The following PCNT variants were observed in gnomAD, a reference collection of about 807,000 sequenced individuals.
PCNT encodes the protein kendrin.
PCNT carries 319 observed loss-of-function variants against 380.4 expected under a neutral mutation model. The observed-to-expected ratio is 0.84, with a 90% CI of 0.77 to 0.92. The LOEUF is 0.92. Ranked by LOEUF, PCNT falls within the 40% of genes least tolerant of loss-of-function variation. PCNT has a pLI of 0.00. For synonymous variants in PCNT, 1,845 were observed against 1,735.2 expected, an observed-to-expected ratio of 1.06 and a Z score of -1.57; for missense variants, 4,400 against 4,255.3, an observed-to-expected ratio of 1.03 and a Z score of -0.95.
At chr21:46,335,382 TTTGAAGTG>T (rs1247896348) in intron 3 of PCNT, among the ~76,000 whole-genome samples, 1 of 152,208 alleles carries the variant, frequency 6.6e-6, no homozygotes, top group African/African-American at 2.4e-5. Flanking sequence ...ATTGACTACT[TTTGAAGTG>T]TTATGTTAAA....
chr21:46,399,778 C>T lies in PCNT; in HGVS notation c.4773C>T (p.Ile1591=), dbSNP rs375111791. ...AAGAAGTGGAAAAACAGAAAAACAT[C>T]GTGAAAGGGCTGGAACAGGTAAAGC... The part of the protein sequence containing the change: ...LQEEVEKQKN[I]VKGLEQDKEV... The change falls in exon 25 of 47, where the codon ATC becomes ATT. Residue 1591 remains isoleucine (I), a synonymous_variant. Coordinates refer to ENST00000359568, the MANE Select transcript of PCNT (RefSeq NM_006031.6). The T allele has an allele frequency of 1.3e-5, 21 of 1,613,780 alleles. No individual in the cohort carries two copies. The highest frequency in any genetic ancestry group is 2.7e-5 in the African/African-American group (2 of 74,888).
chr21:46,349,329 G>A (rs895021050), intron 7 of PCNT, 143 bp downstream of exon 7: 15 of 781,168 alleles, frequency 1.9e-5, no homozygotes, highest in East Asian at 1.0e-4. Context: ...CGTGTGACAC[G>A]CTGGTGGCCG....
At position 46,324,223 on chromosome 21, in the gene PCNT, A is replaced by T. The variant is rs376774947; in HGVS notation, c.-6A>T. 63 of 1,610,276 alleles carry T rather than the reference A, an allele frequency of 3.9e-5. No individual in the cohort carries two copies. The highest frequency in any genetic ancestry group is 5.0e-5 in the Admixed American group (3 of 59,590). On this transcript the variant is annotated 5_prime_UTR_variant, in exon 1 of 47. Coordinates refer to ENST00000359568, the MANE Select transcript of PCNT (RefSeq NM_006031.6). The stretch of plus-strand genomic sequence containing the variant: ...CGCCGGGCGGCCCGCGCGGAGTCTG[A>T]GGGAGATGGAAGTTGAGCAAGAGCA...
chr21:46,371,370 T>G (rs2085122248), intron 15 of PCNT, among the ~76,000 whole-genome samples: 1 of 151,926 alleles, frequency 6.6e-6, no homozygotes, highest in Non-Finnish European at 1.5e-5. Flanking sequence ...CCACCACGCC[T>G]CGCTAATTTT....
chr21:46,384,836 GTGT>G (rs1338891523), intron 16 of PCNT, among the ~76,000 whole-genome samples: 12 of 152,208 alleles, frequency 7.9e-5, no homozygotes, highest in Non-Finnish European at 1.3e-4. Context: ...CGCATTCACG[GTGT>G]TGTGCGTTCA....
intron 12 of PCNT, among the ~76,000 whole-genome samples, chr21:46,356,635 G>A (rs2084488980): frequency 6.6e-6 from 1 of 152,210 alleles, no homozygotes; most frequent in African/African-American, 2.4e-5. Flanking sequence ...CCCACATCTG[G>A]TCACAGGCAT....
intron 21 of PCNT, among the ~76,000 whole-genome samples, chr21:46,395,126 C>T (rs1432732472): frequency 1.3e-5 from 2 of 152,196 alleles, no homozygotes; most frequent in African/African-American, 2.4e-5. Flanking sequence ...ACAGCGGACT[C>T]GCCGTTAACT....
At chr21:46,384,634 C>T (rs2085756755) in intron 16 of PCNT, among the ~76,000 whole-genome samples, 1 of 142,324 alleles carries the variant, frequency 7.0e-6, no homozygotes, top group Admixed American at 7.1e-5. Context: ...TCGTGGTGTG[C>T]ATTCAGGGGC....
intron 16 of PCNT, among the ~76,000 whole-genome samples, chr21:46,383,587 A>C (rs1169577117): frequency 1.4e-5 from 2 of 140,468 alleles, no homozygotes; most frequent in Non-Finnish European, 3.1e-5. Flanking sequence ...AGTGCTGTGC[A>C]TTCAGCAGCG....
At position 46,425,809 on chromosome 21, in the gene PCNT, C is replaced by G; in HGVS notation, c.7180-22C>G. 6.2e-7 allele frequency: 1 copy of G among 1,612,648 alleles called. No individual in the cohort carries two copies. The highest frequency in any genetic ancestry group is 8.5e-7 in the Non-Finnish European group (1 of 1,179,866). On this transcript the variant is annotated intron_variant, in intron 32 of 46. Transcript: ENST00000359568. The surrounding 1 kb of genome is among the most constrained non-coding windows in gnomAD (Gnocchi z 4.2). ...GTGTGGGGTGGCAGGCAACTCCCTT[C>G]TGACGCGCTTTCCCGCCACAGGCTT...
At position 46,425,844 on chromosome 21, in the gene PCNT, T is replaced by G. The variant is rs1387812455; in HGVS notation, c.7193T>G (p.Met2398Arg). The G allele has an allele frequency of 6.2e-7, 1 of 1,613,516 alleles. No individual in the cohort carries two copies. The highest frequency in any genetic ancestry group is 1.3e-5 in the African/African-American group (1 of 74,858). ...TTCCCGCCACAGGCTTTACTGCAGA[T>G]GGTGCGTGACGAGAGCCACCAGATC... is the stretch of plus-strand genomic sequence containing the variant. ...RPKHVKALLQMVRDESHQILA... is the reference protein window; with the variant it reads ...RPKHVKALLQRVRDESHQILA... The change falls in exon 33 of 47, where the codon ATG becomes AGG. Residue 2398 changes from methionine (M) to arginine (R), a missense_variant. Met to Arg is a moderately conservative substitution (Grantham distance 91). Coordinates refer to ENST00000359568, the MANE Select transcript of PCNT (RefSeq NM_006031.6). This position sits in a 1 kb window ranked among gnomAD's most constrained non-coding sequence, Gnocchi z 4.2.
At chr21:46,418,694 A>G (rs567103487) in intron 31 of PCNT, among the ~76,000 whole-genome samples, 3 of 152,322 alleles carry the variant, frequency 2.0e-5, no homozygotes, top group South Asian at 4.1e-4. Context: ...GGTGCACGCC[A>G]TGTTTCCAGG....
rs1373684831 is a variant in PCNT at position 46,383,634 on chromosome 21, G to A, written c.3312+1794G>A. The stretch of plus-strand genomic sequence containing the variant: ...ATGGTGTGCGTTCAGTGGCAGAAGC[G>A]CATTCACGGTGTTGTGCATTCAGTG... On this transcript the variant is annotated intron_variant, in intron 16 of 46. Transcript: ENST00000359568. Among the ~76,000 whole-genome samples the A allele has an allele frequency of 3.5e-5, 5 of 142,318 alleles. 1 individual carries two copies. The highest frequency in any genetic ancestry group is 2.2e-4 in the East Asian group (1 of 4,644). The allele number at this position is 142,318 out of a possible 152,430, so 93.4% of individuals were successfully genotyped here.
intron 15 of PCNT, among the ~76,000 whole-genome samples, chr21:46,368,165 AAAAAC>A (rs1237156414): frequency 6.6e-6 from 1 of 152,132 alleles, no homozygotes; most frequent in Non-Finnish European, 1.5e-5. Context: ...GTCTCAAAAA[AAAAAC>A]AAAAATAGCT....
rs1017343849 is a variant in PCNT, at chr21:46,425,387, A to G, written c.7180-444A>G. 6.6e-6 allele frequency among the ~76,000 whole-genome samples: 1 copy of G among 152,236 alleles called. No individual in the cohort carries two copies. The highest frequency in any genetic ancestry group is 1.5e-5 in the Non-Finnish European group (1 of 68,034). ...CACTGGCCTCAGCCGGACCACGCACAGAGGCCTCCTGGGTGGCCATCGTGT... is the reference window on the plus strand; with the variant it reads ...CACTGGCCTCAGCCGGACCACGCACGGAGGCCTCCTGGGTGGCCATCGTGT... On this transcript the variant is annotated intron_variant, in intron 32 of 46. Coordinates refer to ENST00000359568, the MANE Select transcript of PCNT (RefSeq NM_006031.6). The surrounding 1 kb of genome is among the most constrained non-coding windows in gnomAD (Gnocchi z 4.2).
chr21:46,413,818 C>T (rs2086900400), intron 29 of PCNT, among the ~76,000 whole-genome samples: 1 of 152,142 alleles, frequency 6.6e-6, no homozygotes, highest in South Asian at 2.1e-4. Context: ...GAGGTTGCAC[C>T]TTGACCATCT....
intron 2 of PCNT, among the ~76,000 whole-genome samples, chr21:46,328,006 T>A (rs1215352571): frequency 6.6e-6 from 1 of 152,176 alleles, no homozygotes; most frequent in Non-Finnish European, 1.5e-5. Flanking sequence ...GTATGAATTA[T>A]GAACGAGGGC....
rs1371646437 is a variant in PCNT at position 46,381,701 on chromosome 21, T to G, written c.3173T>G (p.Phe1058Cys). The G allele has an allele frequency of 3.1e-6, 5 of 1,613,618 alleles. No individual in the cohort carries two copies. The highest frequency in any genetic ancestry group is 4.2e-6 in the Non-Finnish European group (5 of 1,179,622). ...TGTTATTGATGTGTACAGGGTGAATTTGGAAGTGAAAAGAAAACTGCTTTG... is the reference window on the plus strand; with the variant it reads ...TGTTATTGATGTGTACAGGGTGAATGTGGAAGTGAAAAGAAAACTGCTTTG... ...HELQGVHQGEFGSEKKTALHE... is the reference protein window; with the variant it reads ...HELQGVHQGECGSEKKTALHE... Residue 1058 changes from phenylalanine (F) to cysteine (C), a missense_variant, in exon 16 of 47, where the codon TTT becomes TGT. Physicochemically the swap from Phe to Cys is radical, Grantham distance 205. Coordinates refer to ENST00000359568, the MANE Select transcript of PCNT (RefSeq NM_006031.6).
intron 15 of PCNT, among the ~76,000 whole-genome samples, chr21:46,374,568 A>G (rs1163411753): frequency 1.3e-5 from 2 of 152,170 alleles, no homozygotes; most frequent in African/African-American, 2.4e-5. Context: ...ACATAACACA[A>G]GCTGGCTGCA....
Sources: allele counts gnomAD v4.1 joint callset (sites outside exome capture counted in the v4.1 genomes callset), GRCh38; gene constraint gnomAD v4.1.1; non-coding constraint Gnocchi (gnomAD v3.1); transcripts MANE v1.5; gene names NCBI Gene and HGNC (gene_info 2026-07-23, HGNC 2026-07-21).